SLAIN1: variants seen among roughly 807,000 people sequenced by gnomAD.
The protein encoded by SLAIN1 is SLAIN motif-containing protein 1.
SLAIN1 carries 17 observed loss-of-function variants against 55.4 expected under a neutral mutation model. That is an observed-to-expected ratio of 0.31 (90% CI 0.21 to 0.46). SLAIN1 has a LOEUF of 0.46. Ranked by LOEUF, SLAIN1 falls within the 20% of genes least tolerant of loss-of-function variation. The pLI is 1.00. For missense variants in SLAIN1, 682 were observed against 785.1 expected, an observed-to-expected ratio of 0.87 and a Z score of 1.57; for synonymous variants, 348 against 337.4, an observed-to-expected ratio of 1.03 and a Z score of -0.35.
intron 1 of SLAIN1, among the ~76,000 whole-genome samples, chr13:77,706,707 A>G (rs957340027): frequency 2.5e-4 from 38 of 152,066 alleles, no homozygotes; most frequent in Non-Finnish European, 5.4e-4. Flanking sequence ...ACAGCCTTCA[A>G]TAGCTTTCTG....
At chr13:77,705,599 T>G (rs1209084127) in intron 1 of SLAIN1, among the ~76,000 whole-genome samples, 1 of 151,920 alleles carries the variant, frequency 6.6e-6, no homozygotes, top group Non-Finnish European at 1.5e-5. Flanking sequence ...AAGTGATTTT[T>G]AAAATGACTT....
intron 1 of SLAIN1, among the ~76,000 whole-genome samples, chr13:77,713,296 C>G (rs1261702639): frequency 1.3e-5 from 2 of 152,230 alleles, no homozygotes; most frequent in East Asian, 3.9e-4. Context: ...GCGCTAATAT[C>G]CAGAATCCAC....
At chr13:77,721,869 T>A (rs2091265537) in intron 2 of SLAIN1, among the ~76,000 whole-genome samples, 1 of 150,494 alleles carries the variant, frequency 6.6e-6, no homozygotes, top group South Asian at 2.1e-4. Context: ...AGGAGTGGGC[T>A]GGATTTGGGG....
intron 1 of SLAIN1, among the ~76,000 whole-genome samples, chr13:77,711,157 C>A (rs1178851734): frequency 1.3e-5 from 2 of 151,918 alleles, no homozygotes; most frequent in South Asian, 2.1e-4. Flanking sequence ...ACCCTAATAT[C>A]ACAATTAACA....
chr13:77,719,243 T>C (rs1032667069), intron 1 of SLAIN1, among the ~76,000 whole-genome samples: 1 of 146,760 alleles, frequency 6.8e-6, no homozygotes, highest in African/African-American at 2.6e-5. Context: ...AGTGCCTTTT[T>C]AGGGCTAGTT....
At chr13:77,744,466 T>G (rs771913208) in intron 3 of SLAIN1, 34 bp downstream of exon 3, 4 of 1,604,688 alleles carry the variant, frequency 2.5e-6, no homozygotes, top group Admixed American at 3.3e-5. Context: ...AAAATGAGGC[T>G]TCCACTTGGA....
intron 5 of SLAIN1, among the ~76,000 whole-genome samples, chr13:77,758,622 T>C (rs1332162709): frequency 1.3e-5 from 2 of 152,008 alleles, no homozygotes; most frequent in African/African-American, 4.8e-5. Context: ...AGGTAGGTAT[T>C]CAGTTTCATT....
intron 1 of SLAIN1, among the ~76,000 whole-genome samples, chr13:77,714,211 A>G (rs556317218): frequency 6.6e-6 from 1 of 152,238 alleles, no homozygotes; most frequent in East Asian, 1.9e-4. Flanking sequence ...AAGTATTGAG[A>G]TAAGGAAACT....
intron 2 of SLAIN1, among the ~76,000 whole-genome samples, chr13:77,727,285 T>C (rs1331226356): frequency 1.3e-5 from 2 of 152,162 alleles, no homozygotes; most frequent in African/African-American, 4.8e-5. Context: ...TGTGACTTTT[T>C]CCAAATAGAT....
In SLAIN1 at chr13:77,697,751, C is replaced by A; in HGVS notation, c.-163C>A. ...CGGTGGTGGCTGCCGCGGCCGGAGG[C>A]GAGGGCCCGGTGCTGATGCGAACCG... is the stretch of plus-strand genomic sequence containing the variant. On this transcript the variant is annotated 5_prime_UTR_variant, in exon 1 of 7. Coordinates refer to ENST00000418532, the MANE Select transcript of SLAIN1 (RefSeq NM_001242868.2). The A allele has an allele frequency of 1.8e-6, 1 of 564,730 alleles. No homozygotes were observed. Among genetic ancestry groups the A allele is most frequent in the Non-Finnish European group, 2.5e-6 (1 of 407,606 alleles). The allele number at this position is 564,730 out of a possible 1,614,324, so 35.0% of individuals were successfully genotyped here.
At chr13:77,743,358 T>G (rs963658301) in intron 2 of SLAIN1, 10 of 264,888 alleles carry the variant, frequency 3.8e-5, no homozygotes, top group African/African-American at 2.3e-4. Context: ...TGCTCTCAAT[T>G]TTATGTAGCA....
rs371686255 is a variant in SLAIN1, at chr13:77,756,721, T to C, written c.1414+3363T>C. 2.9e-4 allele frequency among the ~76,000 whole-genome samples: 44 copies of C among 152,252 alleles called. No individual in the cohort carries two copies. In the South Asian group the frequency reaches 8.9e-3, roughly 31 times the overall value. On this transcript the variant is annotated intron_variant, in intron 5 of 6. Transcript: ENST00000418532. ...TCACATTTATACAATGGAATACTGC[T>C]TAGTAATACAGCAACACAGGTGAAT...
rs767523111 is a variant in SLAIN1 at position 77,697,967 on chromosome 13, C to T, written c.54C>T (p.Gly18=). 10 of 1,451,160 alleles carry T rather than the reference C, an allele frequency of 6.9e-6. No individual in the cohort carries two copies. The highest frequency in any genetic ancestry group is 4.9e-4 in the Middle Eastern group (2 of 4,072). 89.9% of individuals were successfully genotyped at this position (1,451,160 alleles called of 1,614,324 possible). ...CGGCAGGGGTCAGCTCTGGAGCGGG[C>T]TCCGGGCCGGTGGTGAACGCGGAGC... ...CASAGVSSGA[G]SGPVVNAELE... is the part of the protein sequence containing the mutation. Residue 18 remains glycine (G), a synonymous_variant, in exon 1 of 7, where the codon GGC becomes GGT. Coordinates refer to ENST00000418532, the MANE Select transcript of SLAIN1 (RefSeq NM_001242868.2).
chr13:77,737,165 G>T (rs757069550), intron 2 of SLAIN1, among the ~76,000 whole-genome samples: 5 of 151,856 alleles, frequency 3.3e-5, no homozygotes, highest in Non-Finnish European at 5.9e-5. Flanking sequence ...AAGAACTAAA[G>T]CATTAGCTTC....
chr13:77,707,861 C>G (rs974484852), intron 1 of SLAIN1, among the ~76,000 whole-genome samples: 1 of 152,172 alleles, frequency 6.6e-6, no homozygotes, highest in Non-Finnish European at 1.5e-5. Flanking sequence ...CAGGGCTTCT[C>G]TGGATCAGCT....
intron 2 of SLAIN1, chr13:77,741,735 A>G (rs1873458234): frequency 1.0e-5 from 1 of 95,668 alleles, no homozygotes; most frequent in Non-Finnish European, 2.0e-5. Flanking sequence ...TTGACTGTCC[A>G]CATCCCACAG....
rs1873948250 is a variant in SLAIN1, at chr13:77,747,921, T to C, written c.1258+1066T>C. ...GTAATATTCTAAGCCTGTTGTGTTTTTGTACTAATGATCACCTGAACCCTC... is the reference window on the plus strand; with the variant it reads ...GTAATATTCTAAGCCTGTTGTGTTTCTGTACTAATGATCACCTGAACCCTC... On this transcript the variant is annotated intron_variant, in intron 4 of 6. Coordinates refer to ENST00000418532, the MANE Select transcript of SLAIN1 (RefSeq NM_001242868.2). Among the ~76,000 whole-genome samples the C allele has an allele frequency of 2.0e-5, 3 of 152,256 alleles. No homozygotes were observed. In the South Asian group the frequency reaches 6.2e-4, roughly 32 times the overall value.
intron 2 of SLAIN1, among the ~76,000 whole-genome samples, chr13:77,730,245 T>C (rs1444051587): frequency 1.3e-5 from 2 of 152,158 alleles, no homozygotes; most frequent in African/African-American, 4.8e-5. Flanking sequence ...GAATAATTTT[T>C]AGTAAAGGAG....
intron 1 of SLAIN1, among the ~76,000 whole-genome samples, chr13:77,716,433 A>G (rs1173388617): frequency 6.6e-6 from 1 of 151,456 alleles, no homozygotes; most frequent in African/African-American, 2.4e-5. Flanking sequence ...TGGAATTTCT[A>G]TTGGGATTTT....
Sources: allele counts gnomAD v4.1 joint callset (sites outside exome capture counted in the v4.1 genomes callset), GRCh38; gene constraint gnomAD v4.1.1; transcripts MANE v1.5; gene names NCBI Gene and HGNC (gene_info 2026-07-23, HGNC 2026-07-21).